RBBP7: variants seen among roughly 807,000 people sequenced by gnomAD.
The protein encoded by RBBP7 is histone-binding protein RBBP7.
RBBP7 carries 5 observed loss-of-function variants against 35.2 expected under a neutral mutation model. The ratio of observed to expected loss-of-function variants is 0.14; its 90% confidence interval spans 0.07 to 0.30. The LOEUF is 0.30. Among genes scored for constraint, RBBP7 ranks in the 10% least tolerant of loss-of-function variants. RBBP7 has a pLI of 1.00. For synonymous variants in RBBP7, 140 were observed against 118.7 expected, an observed-to-expected ratio of 1.18 and a Z score of -1.17; for missense variants, 155 against 327.5, an observed-to-expected ratio of 0.47 and a Z score of 4.07.
rs1415677005 is a variant in RBBP7 at position 16,852,839 on chromosome X, A to T, written c.795T>A (p.Ser265Arg). The T allele has an allele frequency of 1.7e-6, 2 of 1,211,860 alleles. No homozygotes were observed. Among genetic ancestry groups the T allele is most frequent in the Non-Finnish European group, 2.2e-6 (2 of 895,586 alleles). The change falls in exon 7 of 12, where the codon AGT (serine) becomes AGA (arginine). Residue 265 changes from serine (S) to arginine (R), a missense_variant. Physicochemically the swap from Ser to Arg is moderately radical, Grantham distance 110. Around this residue, in one of 3 missense-constraint regions of RBBP7, gnomAD observed 79 missense variants for 220.8 expected, o/e 0.36. Coordinates refer to ENST00000380087, the MANE Select transcript of RBBP7 (RefSeq NM_002893.4). ...CGGCAGTGTGCGCATCCACCAAGTGACTCGGCTTGGAGGTGGTATTGGACC... is the reference window on the plus strand; with the variant it reads ...CGGCAGTGTGCGCATCCACCAAGTGTCTCGGCTTGGAGGTGGTATTGGACC... Reference protein sequence around the residue: ...DTRSNTTSKPSHLVDAHTAEV... With the variant: ...DTRSNTTSKPRHLVDAHTAEV...
intron 2 of RBBP7, among the ~76,000 whole-genome samples, chrX:16,867,930 CT>C (rs1358819480): frequency 2.7e-5 from 3 of 110,855 alleles, no homozygotes; most frequent in Non-Finnish European, 5.7e-5. Flanking sequence ...GGCAATCCGC[CT>C]GCCTCGGCCT....
chrX:16,858,179 T>C (rs1399467580), intron 4 of RBBP7, among the ~76,000 whole-genome samples: 2 of 111,561 alleles, frequency 1.8e-5, no homozygotes, highest in South Asian at 3.8e-4. Flanking sequence ...TAGGATTGTT[T>C]AGCAAGATTC....
intron 9 of RBBP7, 92 bp downstream of exon 9, chrX:16,851,954 A>C: frequency 1.4e-6 from 1 of 705,952 alleles, no homozygotes; most frequent in Non-Finnish European, 2.1e-6. Flanking sequence ...TGAAGGGGGG[A>C]TTACCAAATT....
intron 10 of RBBP7, 60 bp from the exon 11 acceptor site, chrX:16,845,998 GT>G: frequency 8.7e-7 from 1 of 1,155,541 alleles, no homozygotes; most frequent in Non-Finnish European, 1.2e-6. Flanking sequence ...CCTAACAAAG[GT>G]TTTACTAAGT....
Position 16,869,283 on chromosome X carries a change from G to A in RBBP7, c.17-63C>T, listed in dbSNP as rs191536514. 1.4e-4 allele frequency: 163 copies of A among 1,147,967 alleles called. No homozygotes were observed. In the African/African-American group the frequency reaches 2.6e-3, roughly 19 times the overall value. The allele number at this position is 1,147,967 out of a possible 1,213,427, so 94.6% of individuals were successfully genotyped here. The stretch of plus-strand genomic sequence containing the variant: ...AGATAGATCAAAGTCAGAAATTGGA[G>A]GTCACCTCAAGATGGCCACACCTCA... On this transcript the variant is annotated intron_variant, in intron 1 of 11. Transcript: ENST00000380087.
chrX:16,865,403 CAGGT>C (rs1930590419), intron 2 of RBBP7, among the ~76,000 whole-genome samples: 1 of 111,912 alleles, frequency 8.9e-6, no homozygotes, highest in Non-Finnish European at 1.9e-5. Flanking sequence ...TAAAAAATAA[CAGGT>C]AGGTCAGTTT....
At chrX:16,859,289 C>A (rs951324002) in intron 3 of RBBP7, among the ~76,000 whole-genome samples, 1 of 112,065 alleles carries the variant, frequency 8.9e-6, no homozygotes, top group African/African-American at 3.2e-5. Flanking sequence ...ACAGTATGAA[C>A]ACCCTTTGAG....
intron 11 of RBBP7, among the ~76,000 whole-genome samples, chrX:16,845,610 T>G (rs1473547108): frequency 2.7e-5 from 3 of 112,101 alleles, no homozygotes; most frequent in African/African-American, 9.7e-5. Context: ...TGCAGAGATT[T>G]CTCCTGACCT....
At chrX:16,865,042 C>A (rs1043034717) in intron 2 of RBBP7, among the ~76,000 whole-genome samples, 1 of 65,200 alleles carries the variant, frequency 1.5e-5, no homozygotes. Context: ...CCAGCCTGGG[C>A]AACATAGCAA....
chrX:16,864,935 C>T (rs192910647), intron 2 of RBBP7, among the ~76,000 whole-genome samples: 24 of 109,062 alleles, frequency 2.2e-4, no homozygotes, highest in African/African-American at 7.0e-4. Context: ...GGAATAGTGG[C>T]TTAAAATGAA....
At chrX:16,850,821 G>A (rs190363164) in intron 9 of RBBP7, among the ~76,000 whole-genome samples, 12 of 112,422 alleles carry the variant, frequency 1.1e-4, no homozygotes, top group Admixed American at 1.9e-4. Flanking sequence ...CTTTCACACC[G>A]AGTGCAATGG....
At position 16,852,858 on chromosome X, in the gene RBBP7, T is replaced by G. The variant is rs190827851; in HGVS notation, c.776A>C (p.Asn259Thr). The change falls in exon 7 of 12, where the codon AAT becomes ACT. Residue 259 changes from asparagine (N) to threonine (T), a missense_variant. Coordinates refer to ENST00000380087, the MANE Select transcript of RBBP7 (RefSeq NM_002893.4). ...CAAGTGACTCGGCTTGGAGGTGGTA[T>G]TGGACCTGGTGTCCCATCTAAAACA... is the stretch of plus-strand genomic sequence containing the variant. ...QKLMIWDTRS[N>T]TTSKPSHLVD... 1 of 1,209,877 alleles carries G rather than the reference T, an allele frequency of 8.3e-7. No individual in the cohort carries two copies. The highest frequency in any genetic ancestry group is 1.8e-5 in the African/African-American group (1 of 57,117).
Position 16,849,889 on chromosome X carries a change from T to G in RBBP7, c.1041-588A>C, listed in dbSNP as rs1421240653. Among the ~76,000 whole-genome samples, 3 of 112,347 alleles carry G rather than the reference T, an allele frequency of 2.7e-5. No homozygotes were observed. The Admixed American group carries it at 2.8e-4, about 11-fold the overall frequency. Reference sequence around the variant, plus strand: ...GTCTAAAGATATGGCAATAAAACTTTGAGAAATGTGTAAGCCAAGGAAATG... The same window carrying G: ...GTCTAAAGATATGGCAATAAAACTTGGAGAAATGTGTAAGCCAAGGAAATG... On this transcript the variant is annotated intron_variant, in intron 9 of 11. Coordinates refer to ENST00000380087, the MANE Select transcript of RBBP7 (RefSeq NM_002893.4).
At chrX:16,866,385 G>A (rs1459409997) in intron 2 of RBBP7, among the ~76,000 whole-genome samples, 1 of 107,986 alleles carries the variant, frequency 9.3e-6, no homozygotes, top group Non-Finnish European at 1.9e-5. Context: ...AATTAGCTGG[G>A]TGTGGTGGCA....
At chrX:16,862,921 T>C (rs375875362) in intron 3 of RBBP7, 34 bp downstream of exon 3, 2 of 1,191,734 alleles carry the variant, frequency 1.7e-6, no homozygotes, top group Non-Finnish European at 2.3e-6. Flanking sequence ...CATTTTCCCT[T>C]TGACACCAAT....
intron 3 of RBBP7, among the ~76,000 whole-genome samples, chrX:16,860,942 G>C (rs1478734589): frequency 9.0e-6 from 1 of 111,674 alleles, no homozygotes; most frequent in African/African-American, 3.3e-5. Context: ...GGGAAGTTTA[G>C]GCAGGCGAAT....
chrX:16,854,443 C>T (rs774035559), intron 5 of RBBP7, among the ~76,000 whole-genome samples: 5 of 110,542 alleles, frequency 4.5e-5, no homozygotes, highest in South Asian at 3.8e-4. Flanking sequence ...TCAAGTACCC[C>T]AAATTCACTT....
chrX:16,864,856 A>G (rs1930570943), intron 2 of RBBP7, among the ~76,000 whole-genome samples: 1 of 109,731 alleles, frequency 9.1e-6, no homozygotes, highest in African/African-American at 3.3e-5. Context: ...TTTAACCAGT[A>G]AAACCATTAA....
intron 10 of RBBP7, 105 bp from the exon 11 acceptor site, chrX:16,846,043 G>T: frequency 9.2e-7 from 1 of 1,092,741 alleles, no homozygotes; most frequent in South Asian, 2.4e-5. Context: ...CTGGGGGTGG[G>T]TGCTGTCTGG....
Sources: allele counts gnomAD v4.1 joint callset (sites outside exome capture counted in the v4.1 genomes callset), GRCh38; gene constraint gnomAD v4.1.1; regional missense constraint gnomAD v4.1.1; transcripts MANE v1.5; gene names NCBI Gene and HGNC (gene_info 2026-07-23, HGNC 2026-07-21).